The following TTN variants were observed in gnomAD, a reference collection of about 807,000 sequenced individuals.
The protein encoded by TTN is connectin.
In TTN, 1,525 loss-of-function variants were observed where a neutral mutation model predicts 3,223.0. That is an observed-to-expected ratio of 0.47 (90% CI 0.45 to 0.49). TTN has a LOEUF of 0.49. Ranked by LOEUF, TTN falls within the 20% of genes least tolerant of loss-of-function variation. The probability of loss-of-function intolerance (pLI) is 0.00; values close to 1 mark genes in which losing one functional copy is unlikely to be tolerated. For missense variants in TTN, 40,786 were observed against 43,424.0 expected (o/e 0.94, Z 5.40); for synonymous variants, 14,094 against 15,161.0 (o/e 0.93, Z 5.17).
chr2:178,620,701 T>C lies in TTN; in HGVS notation c.45895+14A>G. 6.2e-7 allele frequency: 1 copy of C among 1,610,860 alleles called. No individual in the cohort carries two copies. The highest frequency in any genetic ancestry group is 8.5e-7 in the Non-Finnish European group (1 of 1,178,696). On this transcript the variant is annotated intron_variant, in intron 247 of 362. Transcript: ENST00000589042. Reference sequence around the variant, plus strand: ...ACTGATGAAAAAATCTCTAGTGGTATATAAATTACTTACCTTCTACTATTA... The same window carrying C: ...ACTGATGAAAAAATCTCTAGTGGTACATAAATTACTTACCTTCTACTATTA...
chr2:178,615,605 C>T (rs200085520), intron 258 of TTN, 36 bp downstream of exon 258: 46 of 1,610,284 alleles, frequency 2.9e-5, no homozygotes, highest in East Asian at 6.7e-5. Context: ...AAACAGGCAA[C>T]AAGATTAGGT....
Position 178,545,373 on chromosome 2 carries a change from A to T in TTN, c.95722+15T>A. The T allele has an allele frequency of 6.5e-7, 1 of 1,530,362 alleles. No homozygotes were observed. The allele number at this position is 1,530,362 out of a possible 1,614,324, so 94.8% of individuals were successfully genotyped here. A position where few individuals can be genotyped will look rare whatever the true frequency, so the allele number is the denominator to read the frequency against. On this transcript the variant is annotated intron_variant, in intron 344 of 362. Coordinates refer to ENST00000589042, the MANE Select transcript of TTN (RefSeq NM_001267550.2). ...TTGAGGAGCATTGTATTTATGTATG[A>T]TTCTTGGAGCTCACATGATGGTTCT...
chr2:178,779,019 G>T lies in TTN; in HGVS notation c.4063C>A (p.Leu1355Ile), dbSNP rs1561322407. 4.3e-6 allele frequency: 7 copies of T among 1,613,296 alleles called. No individual in the cohort carries two copies. Among genetic ancestry groups the T allele is most frequent in the Middle Eastern group, 3.3e-4 (2 of 6,060 alleles). Residue 1355 changes from leucine to isoleucine, a missense_variant, in exon 24 of 363, where the codon CTT (leucine) becomes ATT (isoleucine). Leu to Ile is a conservative substitution (Grantham distance 5). Transcript: ENST00000589042. ...GRASLRIPVVLPEDEGIYTAF... is the reference protein window; with the variant it reads ...GRASLRIPVVIPEDEGIYTAF... ...GTGTAGATTCCTTCATCTTCTGGAA[G>T]AACAACAGGTATACGCAGACTAGCT...
chr2:178,778,044 G>C, intron 24 of TTN, 69 bp from the exon 25 acceptor site: 2 of 1,554,580 alleles, frequency 1.3e-6, no homozygotes, highest in South Asian at 2.3e-5. Context: ...ACTTCATTTT[G>C]TCTTATTCAT....
At position 178,576,743 on chromosome 2, in the gene TTN, A is replaced by G. The variant is rs906660924; in HGVS notation, c.69501T>C (p.Gly23167=). Residue 23167 remains glycine, a synonymous_variant, in exon 325 of 363, where the codon GGT becomes GGC. Coordinates refer to ENST00000589042, the MANE Select transcript of TTN (RefSeq NM_001267550.2). This position sits in a 1 kb window ranked among gnomAD's most constrained non-coding sequence, Gnocchi z 4.3. ...CATGATATCCTGTAATTTCGCTGCC[A>G]CCATCATCCACTGGCCTTTTCCAGC... is the stretch of plus-strand genomic sequence containing the variant. ...TVSWKRPVDD[G]GSEITGYHVE... 5.0e-6 allele frequency: 8 copies of G among 1,613,328 alleles called. No homozygotes were observed. Among genetic ancestry groups the G allele is most frequent in the African/African-American group, 1.3e-5 (1 of 74,836 alleles).
chr2:178,766,813 T>C (rs2090524670), intron 40 of TTN, among the ~76,000 whole-genome samples: 1 of 152,196 alleles, frequency 6.6e-6, no homozygotes, highest in African/African-American at 2.4e-5. Flanking sequence ...ACTTCTCTTG[T>C]AGAGAATTGT....
At position 178,800,028 on chromosome 2, in the gene TTN, T is replaced by C. The variant is rs981770166; in HGVS notation, c.584-118A>G. On this transcript the variant is annotated intron_variant, in intron 4 of 362. Coordinates refer to ENST00000589042, the MANE Select transcript of TTN (RefSeq NM_001267550.2). ...TTTCTGGATATCCCAATGGAGAAAA[T>C]TGCAGAAAGTTTTGGATTTTGCATG... 2.7e-5 allele frequency: 30 copies of C among 1,127,478 alleles called. No individual in the cohort carries two copies. The Admixed American group carries it at 5.4e-4, about 20-fold the overall frequency. 69.8% of individuals were successfully genotyped at this position (1,127,478 alleles called of 1,614,324 possible).
chr2:178,587,974 C>T lies in TTN; in HGVS notation c.63433G>A (p.Val21145Met), dbSNP rs768769006. The T allele has an allele frequency of 3.1e-6, 5 of 1,611,776 alleles. No homozygotes were observed. In the South Asian group the frequency reaches 3.3e-5, roughly 11 times the overall value. The change falls in exon 305 of 363, where the codon GTG (valine) becomes ATG (methionine). Residue 21145 changes from valine (V) to methionine (M), a missense_variant. Physicochemically the swap from Val to Met is conservative, Grantham distance 21 (BLOSUM62 1). Coordinates refer to ENST00000589042, the MANE Select transcript of TTN (RefSeq NM_001267550.2). ...ATACCAACTTGGTTTTGGGCACACACCCTGAACTCATATTCCTGGTTTTCA... is the reference window on the plus strand; with the variant it reads ...ATACCAACTTGGTTTTGGGCACACATCCTGAACTCATATTCCTGGTTTTCA... ...LDENQEYEFRVCAQNQVGIGR... is the reference protein window; with the variant it reads ...LDENQEYEFRMCAQNQVGIGR...
chr2:178,768,872 AAAAG>A lies in TTN; in HGVS notation c.8960_8963del (p.Thr2987MetfsTer3). On this transcript the variant is annotated frameshift_variant, in exon 38 of 363. Coordinates refer to ENST00000589042, the MANE Select transcript of TTN (RefSeq NM_001267550.2). LOFTEE classifies it high-confidence loss of function. ...TGCCTTCATAGTTCACTGTCACCTC[AAAAG>A]TAATAGTGTCTTTTTCTTCAGCGTT... 6.2e-7 allele frequency: 1 copy of A among 1,614,104 alleles called. No individual in the cohort carries two copies. Among genetic ancestry groups the A allele is most frequent in the Non-Finnish European group, 8.5e-7 (1 of 1,180,000 alleles).
rs763646831 is a variant in TTN at position 178,531,984 on chromosome 2, A to G, written c.104631T>C (p.Pro34877=). The part of the protein sequence containing the change: ...EYEDDTERRS[P]TPERTRPRSP... Reference sequence around the variant, plus strand: ...ATCGTGGGCGAGTTCTCTCTGGAGTAGGTGACCTTCTTTCTGTGTCATCTT... The same window carrying G: ...ATCGTGGGCGAGTTCTCTCTGGAGTGGGTGACCTTCTTTCTGTGTCATCTT... Residue 34877 remains proline (P), a synonymous_variant, in exon 358 of 363, where the codon CCT becomes CCC. Transcript: ENST00000589042. The G allele has an allele frequency of 2.5e-6, 4 of 1,613,694 alleles. No homozygotes were observed. The highest frequency in any genetic ancestry group is 2.7e-5 in the African/African-American group (2 of 74,908).
Position 178,770,601 on chromosome 2 carries a change from T to C in TTN, c.8191A>G (p.Thr2731Ala), listed in dbSNP as rs2091318582. Residue 2731 changes from threonine (T) to alanine (A), a missense_variant, in exon 35 of 363, where the codon ACA becomes GCA. Thr to Ala is a moderately conservative substitution (Grantham distance 58, BLOSUM62 0). Coordinates refer to ENST00000589042, the MANE Select transcript of TTN (RefSeq NM_001267550.2). ...TQDAVFTVELTHPNVKGVQWI... is the reference protein window; with the variant it reads ...TQDAVFTVELAHPNVKGVQWI... ...TGGACACCTTTGACATTAGGGTGTGTAAGCTCGACAGTGAAAACAGCATCC... is the reference window on the plus strand; with the variant it reads ...TGGACACCTTTGACATTAGGGTGTGCAAGCTCGACAGTGAAAACAGCATCC... 6.2e-7 allele frequency: 1 copy of C among 1,614,150 alleles called. No homozygotes were observed. Among genetic ancestry groups the C allele is most frequent in the Non-Finnish European group, 8.5e-7 (1 of 1,180,008 alleles).
In TTN at chr2:178,589,358, A is replaced by G; in HGVS notation, c.62367T>C (p.Leu20789=). 1 of 1,613,396 alleles carries G rather than the reference A, an allele frequency of 6.2e-7. No individual in the cohort carries two copies. The highest frequency in any genetic ancestry group is 8.5e-7 in the Non-Finnish European group (1 of 1,179,596). Residue 20789 remains leucine, a synonymous_variant, in exon 304 of 363, where the codon CTT becomes CTC. Transcript: ENST00000589042. The part of the protein sequence containing the change: ...LTVKAGDTIR[L]EAGVRGKPFP... ...ATGGTTTGCCTCTAACCCCTGCCTC[A>G]AGCCTAATGGTGTCCCCTGCTTTGA...
At position 178,712,207 on chromosome 2, in the gene TTN, A is replaced by G. The variant is rs753893157; in HGVS notation, c.27623T>C (p.Val9208Ala). The change falls in exon 96 of 363, where the codon GTC becomes GCC. Residue 9208 changes from valine to alanine, a missense_variant. Coordinates refer to ENST00000589042, the MANE Select transcript of TTN (RefSeq NM_001267550.2). Reference sequence around the variant, plus strand: ...CACCTTAACCGGCTCCAACTGCTTGACAAAATACGGTGGTTCTGCAGCCAA... The same window carrying G: ...CACCTTAACCGGCTCCAACTGCTTGGCAAAATACGGTGGTTCTGCAGCCAA... ...QILILEPPYF[V>A]KQLEPVKVSV... 1.2e-5 allele frequency: 20 copies of G among 1,613,260 alleles called. No homozygotes were observed. In the South Asian group the frequency reaches 2.2e-4, roughly 18 times the overall value.
Position 178,633,426 on chromosome 2 carries a change from A to T in TTN, c.42933T>A (p.Asn14311Lys). 6.2e-7 allele frequency: 1 copy of T among 1,613,372 alleles called. No homozygotes were observed. Among genetic ancestry groups the T allele is most frequent in the Non-Finnish European group, 8.5e-7 (1 of 1,179,562 alleles). Residue 14311 changes from asparagine to lysine, a missense_variant, in exon 232 of 363, where the codon AAT (asparagine) becomes AAA (lysine). Coordinates refer to ENST00000589042, the MANE Select transcript of TTN (RefSeq NM_001267550.2). ...TGAGCAACTCACCCTCAACAGTAAC[A>T]TTTGCCTTGGTCTTGTCTGTGCCAC... Reference protein sequence around the residue: ...CDCGTDKTKANVTVEARLIKV... With the variant: ...CDCGTDKTKAKVTVEARLIKV...
In TTN at chr2:178,621,970, G is replaced by T. The variant is rs767776579; in HGVS notation, c.44952C>A (p.Gly14984=). The change falls in exon 244 of 363, where the codon GGC becomes GGA. Residue 14984 remains glycine (G), a synonymous_variant. Coordinates refer to ENST00000589042, the MANE Select transcript of TTN (RefSeq NM_001267550.2). ...WFKDGAEIKK[G]KKYDIISKGA... ...CCTTGGATATGATGTCATATTTTTT[G>T]CCCTTTTTAATTTCAGCACCATCTT... The T allele has an allele frequency of 1.2e-6, 2 of 1,610,480 alleles. No homozygotes were observed. Among genetic ancestry groups the T allele is most frequent in the Admixed American group, 3.4e-5 (2 of 59,620 alleles).
In TTN at chr2:178,677,730, C is replaced by A; in HGVS notation, c.34182G>T (p.Glu11394Asp). ...VLPEEEEIPP[E>D]EEEVPPEEEY... ...CTTCTTCGGGAGGAACTTCCTCTTCCTCAGGTGGAATTTCCTCTTCTTCAG... is the reference window on the plus strand; with the variant it reads ...CTTCTTCGGGAGGAACTTCCTCTTCATCAGGTGGAATTTCCTCTTCTTCAG... Residue 11394 changes from glutamate to aspartate, a missense_variant, in exon 146 of 363, where the codon GAG (glutamate) becomes GAT (aspartate). Glu to Asp is a conservative substitution (Grantham distance 45). Transcript: ENST00000589042. The A allele has an allele frequency of 2.5e-6, 4 of 1,612,660 alleles. No individual in the cohort carries two copies. Among genetic ancestry groups the A allele is most frequent in the Non-Finnish European group, 3.4e-6 (4 of 1,179,118 alleles).
chr2:178,569,852 C>T lies in TTN; in HGVS notation c.76280G>A (p.Ser25427Asn), dbSNP rs1171926149. The change falls in exon 326 of 363, where the codon AGC becomes AAC. Residue 25427 changes from serine (S) to asparagine (N), a missense_variant. Physicochemically the swap from Ser to Asn is conservative, Grantham distance 46. Transcript: ENST00000589042. Reference sequence around the variant, plus strand: ...ACAGCCACCATCATATATTGGTTTGCTCCAAGAAAGGAATACTGAAGATCT... The same window carrying T: ...ACAGCCACCATCATATATTGGTTTGTTCCAAGAAAGGAATACTGAAGATCT... Reference protein sequence around the residue: ...ITRSSVFLSWSKPIYDGGCEI... With the variant: ...ITRSSVFLSWNKPIYDGGCEI... The T allele has an allele frequency of 1.2e-6, 2 of 1,613,312 alleles. No homozygotes were observed. Among genetic ancestry groups the T allele is most frequent in the African/African-American group, 1.3e-5 (1 of 74,874 alleles).
At position 178,582,450 on chromosome 2, in the gene TTN, G is replaced by C. The variant is rs756154183; in HGVS notation, c.66006C>G (p.Asn22002Lys). 3.1e-6 allele frequency: 5 copies of C among 1,613,004 alleles called. No homozygotes were observed. The Admixed American group carries it at 8.3e-5, about 27-fold the overall frequency. ...GCACAGTTGCAGAGACTTGAGCCCA[G>C]TTGGGCCTGCTTGTTTCACGTTTGT... ...IVDKRETSRP[N>K]WAQVSATVPI... The change falls in exon 314 of 363, where the codon AAC becomes AAG. Residue 22002 changes from asparagine (N) to lysine (K), a missense_variant. Physicochemically the swap from Asn to Lys is moderately conservative, Grantham distance 94. Coordinates refer to ENST00000589042, the MANE Select transcript of TTN (RefSeq NM_001267550.2).
In TTN at chr2:178,693,692, T is replaced by C. The variant is rs796736152; in HGVS notation, c.31514-3A>G. On this transcript the variant is annotated splice_region_variant and splice_polypyrimidine_tract_variant and intron_variant, in intron 118 of 362. Transcript: ENST00000589042. ...AATTTCCTTTTGTACCTCGGGGACT[T>C]AAAAAAATGTACATTTTAATTACTG... 1.3e-6 allele frequency: 2 copies of C among 1,587,304 alleles called. No homozygotes were observed. Among genetic ancestry groups the C allele is most frequent in the Non-Finnish European group, 1.7e-6 (2 of 1,162,956 alleles).
Sources: gnomAD v4.1 joint callset for allele counts (sites outside exome capture counted in the v4.1 genomes callset) on GRCh38, gnomAD v4.1.1 for gene constraint, Gnocchi (gnomAD v3.1) non-coding constraint, MANE v1.5 for transcripts, NCBI Gene and HGNC (gene_info 2026-07-23, HGNC 2026-07-21) for gene names.